Variants in CCDC180 observed in about 807,000 individuals in gnomAD.
CCDC180 encodes the protein coiled-coil domain-containing protein 180.
In CCDC180, 154 loss-of-function variants were observed where a neutral mutation model predicts 209.2. The ratio of observed to expected loss-of-function variants is 0.74; its 90% CI spans 0.65 to 0.84. The LOEUF (loss-of-function observed/expected upper bound fraction) is 0.84. Ranked by LOEUF, CCDC180 falls within the 40% of genes least tolerant of loss-of-function variation. The probability of loss-of-function intolerance (pLI) is 0.00; values close to 1 mark genes in which losing one functional copy is unlikely to be tolerated. For synonymous variants in CCDC180, 778 were observed against 749.1 expected (o/e 1.04, Z -0.63); for missense variants, 1,874 against 1,997.3 (o/e 0.94, Z 1.18).
chr9:97,345,497 T>G (rs1826230602), intron 19 of CCDC180: 1 of 380,698 alleles, frequency 2.6e-6, no homozygotes, highest in Admixed American at 3.5e-5. Context: ...TTGGGCCATT[T>G]GGTTATCTTT....
At chr9:97,360,198 G>A in intron 26 of CCDC180, 97 bp downstream of exon 26, 3 of 1,443,142 alleles carry the variant, frequency 2.1e-6, no homozygotes, top group South Asian at 1.3e-5. Flanking sequence ...GGGAAGAGGG[G>A]ACTCCCAGGC....
In CCDC180 at chr9:97,324,019, T is replaced by C. The variant is rs1050445213; in HGVS notation, c.1371+116T>C. 9 of 1,241,826 alleles carry C rather than the reference T, an allele frequency of 7.2e-6. No homozygotes were observed. The African/African-American group carries it at 9.1e-5, about 13-fold the overall frequency. The allele number at this position is 1,241,826 out of a possible 1,614,324, so 76.9% of individuals were successfully genotyped here. On this transcript the variant is annotated intron_variant, in intron 13 of 36. Transcript: ENST00000529487. Reference sequence around the variant, plus strand: ...ACTTGCATGTTCCTAGTGTGTCCGCTCACCCTTGTCAGCCCCTCTCAGAGT... The same window carrying C: ...ACTTGCATGTTCCTAGTGTGTCCGCCCACCCTTGTCAGCCCCTCTCAGAGT...
chr9:97,362,562 G>T, intron 28 of CCDC180, 121 bp downstream of exon 28: 2 of 1,403,652 alleles, frequency 1.4e-6, no homozygotes, highest in East Asian at 2.4e-5. Flanking sequence ...CATGGCTCTG[G>T]GACTCCACGG....
Position 97,354,730 on chromosome 9 carries a change from G to C in CCDC180, c.3147+17G>C. On this transcript the variant is annotated intron_variant, in intron 23 of 36. Transcript: ENST00000529487. ...CTGGACCAGGTAGGGCCCCCAGCCA[G>C]GCCCCAGGCCAACCGGTTCCACAGT... 6.2e-7 allele frequency: 1 copy of C among 1,614,152 alleles called. No individual in the cohort carries two copies. Among genetic ancestry groups the C allele is most frequent in the South Asian group, 1.1e-5 (1 of 91,074 alleles).
intron 34 of CCDC180, chr9:97,372,563 T>C (rs1373192826): frequency 6.6e-6 from 1 of 152,202 alleles, no homozygotes; most frequent in Admixed American, 6.5e-5. Context: ...AACATTGATA[T>C]ACAGAAAATT....
chr9:97,365,587 A>G lies in CCDC180; in HGVS notation c.3981-86A>G, dbSNP rs1250426310. On this transcript the variant is annotated intron_variant, in intron 29 of 36. Transcript: ENST00000529487. ...AGGAGTGTCACGGCCAAAACAGAGC[A>G]CTTGGAAAGTTCTGTTCATGTGGTT... 8.2e-6 allele frequency: 10 copies of G among 1,216,408 alleles called. No individual in the cohort carries two copies. The Admixed American group carries it at 1.7e-4, about 21-fold the overall frequency. 75.4% of individuals were successfully genotyped at this position (1,216,408 alleles called of 1,614,324 possible). A position where few individuals can be genotyped will look rare whatever the true frequency, so the allele number is the denominator to read the frequency against.
intron 11 of CCDC180, 85 bp downstream of exon 11, chr9:97,320,290 C>T (rs1307371238): frequency 2.9e-5 from 36 of 1,253,062 alleles, no homozygotes; most frequent in South Asian, 1.4e-4. Context: ...AAATGAGTGG[C>T]GCCGCCATCA....
intron 16 of CCDC180, 86 bp from the exon 17 acceptor site, chr9:97,330,066 CAA>C (rs34372293): frequency 0.1 from 57,209 of 549,248 alleles, 2 homozygotes; most frequent in Middle Eastern, 0.13. Context: ...AGACTCCTCT[CAA>C]AAAAAAAAAA....
chr9:97,339,523 A>T (rs1326265187), intron 18 of CCDC180, among the ~76,000 whole-genome samples: 1 of 152,112 alleles, frequency 6.6e-6, no homozygotes, highest in Admixed American at 6.6e-5. Flanking sequence ...CTGCTGAGAG[A>T]TCCACTGTTA....
Position 97,369,978 on chromosome 9 carries a change from G to T in CCDC180, c.4246G>T (p.Val1416Leu). The T allele has an allele frequency of 6.2e-7, 1 of 1,614,220 alleles. No individual in the cohort carries two copies. Among genetic ancestry groups the T allele is most frequent in the Non-Finnish European group, 8.5e-7 (1 of 1,180,058 alleles). Residue 1416 changes from valine (V) to leucine (L), a missense_variant, in exon 32 of 37, where the codon GTG (valine) becomes TTG (leucine). Physicochemically the swap from Val to Leu is conservative, Grantham distance 32 (BLOSUM62 1). Transcript: ENST00000529487. The part of the protein sequence containing the change: ...EELLPQVCWL[V>L]MENFKEHHWK... ...GCTGCTGCCCCAAGTGTGTTGGCTG[G>T]TGATGGAGAATTTCAAGGAACACCA... is the stretch of plus-strand genomic sequence containing the variant.
At chr9:97,351,780 G>A (rs970453682) in intron 22 of CCDC180, among the ~76,000 whole-genome samples, 1 of 152,050 alleles carries the variant, frequency 6.6e-6, no homozygotes, top group Non-Finnish European at 1.5e-5. Flanking sequence ...AGGGAATAAA[G>A]GAACCTCCTT....
At chr9:97,364,427 C>G (rs905679275) in intron 29 of CCDC180, 2 of 344,920 alleles carry the variant, frequency 5.8e-6, no homozygotes, top group Non-Finnish European at 1.1e-5. Context: ...TCAGTGCTTT[C>G]CCCCATTTCT....
intron 18 of CCDC180, among the ~76,000 whole-genome samples, chr9:97,335,807 A>G (rs1042790492): frequency 6.6e-6 from 1 of 152,142 alleles, no homozygotes; most frequent in African/African-American, 2.4e-5. Context: ...GTGTAAAAGC[A>G]TTCTTATTTC....
intron 19 of CCDC180, chr9:97,345,913 A>G (rs9696058): frequency 0.2 from 30,685 of 152,668 alleles, 3,409 homozygotes; most frequent in East Asian, 0.39. Flanking sequence ...ATCAATTTTT[A>G]AATTAGGGTT....
intron 20 of CCDC180, 31 bp from the exon 21 acceptor site, chr9:97,349,080 C>G: frequency 6.6e-7 from 1 of 1,523,492 alleles, no homozygotes; most frequent in Non-Finnish European, 8.8e-7. Context: ...ATCGGGTCCC[C>G]GGGGCCCCAG....
intron 29 of CCDC180, 44 bp downstream of exon 29, chr9:97,364,172 T>G: frequency 1.3e-6 from 2 of 1,589,492 alleles, no homozygotes; most frequent in South Asian, 1.1e-5. Flanking sequence ...TAACCTGTTT[T>G]GGGTTGCAGG....
intron 12 of CCDC180, 87 bp from the exon 13 acceptor site, chr9:97,323,694 G>T (rs528560983): frequency 7.0e-7 from 1 of 1,435,918 alleles, no homozygotes; most frequent in African/African-American, 1.4e-5. Context: ...GGTCTGACTT[G>T]TGCAACGCTG....
chr9:97,362,113 T>C, intron 27 of CCDC180, 83 bp from the exon 28 acceptor site: 11 of 1,532,442 alleles, frequency 7.2e-6, no homozygotes, highest in Non-Finnish European at 9.7e-6. Context: ...CGCTGAGGAC[T>C]AACTGGGATG....
At position 97,326,605 on chromosome 9, in the gene CCDC180, G is replaced by A. The variant is rs1445281688; in HGVS notation, c.1597G>A (p.Asp533Asn). 18 of 1,613,980 alleles carry A rather than the reference G, an allele frequency of 1.1e-5. No individual in the cohort carries two copies. Among genetic ancestry groups the A allele is most frequent in the African/African-American group, 2.7e-5 (2 of 74,910 alleles). Residue 533 changes from aspartate (D) to asparagine (N), a missense_variant, in exon 15 of 37, where the codon GAC (aspartate) becomes AAC (asparagine). Physicochemically the swap from Asp to Asn is conservative, Grantham distance 23. Transcript: ENST00000529487. ...CTTGGACCAACTGAGGCAGCAAAGT[G>A]ACAAAGAAACACTGGCGTTTCACCT... ...RLLDQLRQQS[D>N]KETLAFHLEK...
Sources: gnomAD v4.1 joint callset for allele counts (sites outside exome capture counted in the v4.1 genomes callset) on GRCh38, gnomAD v4.1.1 for gene constraint, MANE v1.5 for transcripts, NCBI Gene and HGNC (gene_info 2026-07-23, HGNC 2026-07-21) for gene names.